NBPF15: variants seen among roughly 807,000 people sequenced by gnomAD.
The protein encoded by NBPF15 is NBPF family member NBPF15.
Under a neutral mutation model 62.2 loss-of-function variants are expected in NBPF15, and 74 were observed. The observed-to-expected ratio is 1.19, with a 90% CI of 0.99 to 1.44. NBPF15 has a LOEUF of 1.44. NBPF15 is among the 40% of genes most tolerant of loss of function. NBPF15 has a pLI of 0.00. For missense variants in NBPF15, 790 were observed against 550.0 expected (o/e 1.44, Z -4.36); for synonymous variants, 244 against 209.7 (o/e 1.16, Z -1.41).
At chr1:144,442,111 T>TA (rs1553542803) in intron 6 of NBPF15, among the ~76,000 whole-genome samples, 7 of 75,572 alleles carry the variant, frequency 9.3e-5, no homozygotes, top group Non-Finnish European at 2.4e-5. Flanking sequence ...TGTATATATA[T>TA]ATATAATATA....
rs1387371639 is a variant in NBPF15 at position 144,423,157 on chromosome 1, G to C, written c.1869C>G (p.Asp623Glu). 1.9e-5 allele frequency: 30 copies of C among 1,611,478 alleles called. 1 individual carries two copies. The East Asian group carries it at 6.7e-4, about 36-fold the overall frequency. ...ACACACTTCTGTAGTGCTGGAATGAGTCAGGTTGTTCAAAGTACATTGACG... is the reference window on the plus strand; with the variant it reads ...ACACACTTCTGTAGTGCTGGAATGACTCAGGTTGTTCAAAGTACATTGACG... The part of the protein sequence containing the change: ...STPSMYFEQP[D>E]SFQHYRSVFY... The change falls in exon 22 of 22, where the codon GAC (aspartate) becomes GAG (glutamate). Residue 623 changes from aspartate to glutamate, a missense_variant. By Grantham distance (45) the Asp-to-Glu change is conservative. Transcript: ENST00000581897.
chr1:144,444,415 A>G (rs587637295), intron 6 of NBPF15, among the ~76,000 whole-genome samples: 1 of 151,848 alleles, frequency 6.6e-6, no homozygotes, highest in Non-Finnish European at 1.5e-5. Flanking sequence ...AGTATTAAAT[A>G]AGTTTTACTG....
intron 4 of NBPF15, among the ~76,000 whole-genome samples, chr1:144,455,033 CAAAG>C (rs1693516721): frequency 7.3e-6 from 1 of 136,592 alleles, no homozygotes; most frequent in South Asian, 2.3e-4. Flanking sequence ...GCATGAGAGA[CAAAG>C]AAAAAGAAAA....
chr1:144,441,271 T>C (rs1376092763), intron 6 of NBPF15, among the ~76,000 whole-genome samples: 5 of 151,724 alleles, frequency 3.3e-5, no homozygotes, highest in East Asian at 1.9e-4. Context: ...AAAGTATTTG[T>C]ATTGTTTTAC....
intron 6 of NBPF15, chr1:144,442,856 A>G (rs1336649268): frequency 1.4e-5 from 3 of 211,308 alleles, no homozygotes; most frequent in East Asian, 1.1e-4. Flanking sequence ...CTTCATATGA[A>G]GAGCATCGGT....
intron 6 of NBPF15, among the ~76,000 whole-genome samples, chr1:144,442,373 CATGTATAT>C (rs1232796055): frequency 7.6e-6 from 1 of 131,500 alleles, no homozygotes; most frequent in Non-Finnish European, 1.6e-5. Context: ...TACATGTATA[CATGTATAT>C]ATATTATACA....
At chr1:144,445,707 T>A (rs1460689706) in intron 6 of NBPF15, among the ~76,000 whole-genome samples, 1 of 151,638 alleles carries the variant, frequency 6.6e-6, no homozygotes, top group Admixed American at 6.6e-5. Context: ...GAGATCAATT[T>A]ACGAAGAACT....
intron 8 of NBPF15, among the ~76,000 whole-genome samples, chr1:144,439,214 C>T (rs1258233961): frequency 6.6e-6 from 1 of 151,750 alleles, no homozygotes; most frequent in African/African-American, 2.4e-5. Flanking sequence ...AAACTCCTGA[C>T]CTCATGATCT....
intron 8 of NBPF15, among the ~76,000 whole-genome samples, chr1:144,438,869 C>T (rs1192118896): frequency 1.3e-5 from 2 of 151,966 alleles, no homozygotes; most frequent in Admixed American, 1.3e-4. Context: ...GTTATCTCCA[C>T]ACATTCTCGG....
At chr1:144,453,222 C>A (rs1181615071) in intron 4 of NBPF15, among the ~76,000 whole-genome samples, 7 of 150,388 alleles carry the variant, frequency 4.7e-5, no homozygotes, top group African/African-American at 1.2e-4. Context: ...GGTTTAGAGA[C>A]AATTTAAAAC....
chr1:144,432,687 C>A (rs1675294293), intron 13 of NBPF15, among the ~76,000 whole-genome samples: 1 of 151,886 alleles, frequency 6.6e-6, no homozygotes, highest in Admixed American at 6.6e-5. Context: ...GACTTTAAAC[C>A]AACAAAGATC....
intron 4 of NBPF15, among the ~76,000 whole-genome samples, chr1:144,455,181 G>A (rs1277847035): frequency 1.4e-5 from 2 of 147,414 alleles, no homozygotes; most frequent in East Asian, 2.0e-4. Context: ...GAGAGGAAGG[G>A]AGGAAGAAAG....
chr1:144,459,596 A>G lies in NBPF15; in HGVS notation c.-818-113T>C, dbSNP rs1167082712. ...AAAAAGGGAAATGCAATACATATATATCGTAGAAAGGACACATAACCAGAA... is the reference window on the plus strand; with the variant it reads ...AAAAAGGGAAATGCAATACATATATGTCGTAGAAAGGACACATAACCAGAA... On this transcript the variant is annotated intron_variant, in intron 2 of 21. Coordinates refer to ENST00000581897, the MANE Select transcript of NBPF15 (RefSeq NM_001385408.1). 2.6e-5 allele frequency: 4 copies of G among 151,878 alleles called. 1 individual carries two copies. Among genetic ancestry groups the G allele is most frequent in the East Asian group, 3.9e-4 (2 of 5,192 alleles). The allele number at this position is 151,878 out of a possible 1,614,324, so 9.4% of individuals were successfully genotyped here.
At chr1:144,441,862 C>T in intron 6 of NBPF15, among the ~76,000 whole-genome samples, 1 of 148,924 alleles carries the variant, frequency 6.7e-6, no homozygotes, top group Non-Finnish European at 1.5e-5. Flanking sequence ...ACTTAAAAGT[C>T]TTTCATTTCC....
At chr1:144,433,401 C>A (rs1675948113) in intron 13 of NBPF15, among the ~76,000 whole-genome samples, 1 of 151,376 alleles carries the variant, frequency 6.6e-6, no homozygotes, top group Admixed American at 6.6e-5. Context: ...ACGAGAGAAG[C>A]AAAGCAAACA....
intron 6 of NBPF15, among the ~76,000 whole-genome samples, chr1:144,446,803 G>T (rs1346656680): frequency 6.7e-6 from 1 of 150,344 alleles, no homozygotes; most frequent in Non-Finnish European, 1.5e-5. Context: ...CACTTTGGGA[G>T]GCTGAGGCGG....
rs587717575 is a variant in NBPF15, at chr1:144,447,487, C to T, written c.-191+1288G>A. ...TCTCACTTCCAGGCTCCATCGGGTG[C>T]CCCCAATGCTAAACCTAACTACAAG... On this transcript the variant is annotated intron_variant, in intron 6 of 21. Coordinates refer to ENST00000581897, the MANE Select transcript of NBPF15 (RefSeq NM_001385408.1). Among the ~76,000 whole-genome samples the T allele has an allele frequency of 6.1e-4, 92 of 151,920 alleles. 2 individuals carry two copies. The highest frequency in any genetic ancestry group is 2.2e-4 in the Non-Finnish European group (15 of 67,954).
At chr1:144,436,487 GGA>G (rs1455082624) in intron 10 of NBPF15, among the ~76,000 whole-genome samples, 5 of 147,678 alleles carry the variant, frequency 3.4e-5, no homozygotes, top group African/African-American at 1.3e-4. Context: ...TGTCTGCCAC[GGA>G]GAGAGAGAAA....
rs1294922794 is a variant in NBPF15 at position 144,432,805 on chromosome 1, G to A, written c.824+968C>T. ...ATACAGGAGCACCCAGATTCATAAA[G>A]CAAGTCCTGAGAGACCTACAAAGAG... On this transcript the variant is annotated intron_variant, in intron 13 of 21. Transcript: ENST00000581897. Among the ~76,000 whole-genome samples the A allele has an allele frequency of 2.0e-5, 3 of 149,006 alleles. No individual in the cohort carries two copies. In the East Asian group the frequency reaches 5.8e-4, roughly 29 times the overall value.
Sources: gnomAD v4.1 joint callset for allele counts (sites outside exome capture counted in the v4.1 genomes callset) on GRCh38, gnomAD v4.1.1 for gene constraint, MANE v1.5 for transcripts, NCBI Gene and HGNC (gene_info 2026-07-23, HGNC 2026-07-21) for gene names.